The following GBA1 variants were observed in gnomAD, a reference collection of about 807,000 sequenced individuals.
GBA1 encodes the protein lysosomal acid glucosylceramidase.
the GBA1 span, chr1:155,235,196 G>A: frequency 2.3e-4 from 370 of 1,612,378 alleles, no homozygotes; most frequent in Non-Finnish European, 3.0e-4. Flanking sequence ...TGCCCTCACC[G>A]GTTTAGCACG....
chr1:155,241,362 A>G, the GBA1 span: 6 of 602,276 alleles, frequency 1.0e-5, no homozygotes, highest in African/African-American at 7.4e-5. Context: ...CATCTGTTAC[A>G]GATTATATGC....
At chr1:155,236,554 G>T in the GBA1 span, 6 of 1,082,078 alleles carry the variant, frequency 5.5e-6, no homozygotes, top group Non-Finnish European at 5.6e-6. Context: ...CTGGAGTTGG[G>T]TGACGGGAAG....
chr1:155,238,302 G>A, the GBA1 span: 2 of 1,575,008 alleles, frequency 1.3e-6, no homozygotes, highest in African/African-American at 1.4e-5. Flanking sequence ...GTGAATCAGG[G>A]GTATCTAGAG....
the GBA1 span, chr1:155,235,248 G>A: frequency 9.3e-6 from 15 of 1,613,830 alleles, no homozygotes; most frequent in African/African-American, 6.7e-5. Context: ...GTGCCACTGC[G>A]TCCAGGTCGT....
chr1:155,239,601 C>T, the GBA1 span: 10 of 1,613,962 alleles, frequency 6.2e-6, no homozygotes, highest in Non-Finnish European at 8.5e-6. Flanking sequence ...GTCATCTTGT[C>T]CCCTTCCTCC....
At chr1:155,242,988 C>T in the GBA1 span, among the ~76,000 whole-genome samples, 2 of 152,214 alleles carry the variant, frequency 1.3e-5, no homozygotes, top group Non-Finnish European at 2.9e-5. Flanking sequence ...ATCAATCACT[C>T]TAAGCCTCTG....
the GBA1 span, chr1:155,244,622 C>G: frequency 1.3e-5 from 2 of 152,224 alleles, no homozygotes; most frequent in African/African-American, 4.8e-5. Flanking sequence ...ACTCTGAAGG[C>G]AGGATGCAGC....
chr1:155,236,362 C>T, the GBA1 span: 2 of 1,614,072 alleles, frequency 1.2e-6, no homozygotes, highest in African/African-American at 2.7e-5. Context: ...TGTTGGGGAA[C>T]AGGCGGTGTG....
the GBA1 span, chr1:155,240,021 T>A: frequency 3.1e-6 from 5 of 1,613,870 alleles, no homozygotes; most frequent in Non-Finnish European, 4.2e-6. Flanking sequence ...TATGTGGCAT[T>A]GCAGACACAC....
chr1:155,240,189 C>T, the GBA1 span: 17 of 954,910 alleles, frequency 1.8e-5, no homozygotes, highest in African/African-American at 1.9e-4. Context: ...CTTGGCCGGG[C>T]GCAGGGGCTC....
At chr1:155,238,854 G>A in the GBA1 span, 5 of 646,784 alleles carry the variant, frequency 7.7e-6, no homozygotes, top group East Asian at 2.9e-5. Context: ...GATGATAGGC[G>A]GTGAAATCTT....
At chr1:155,235,476 A>T in the GBA1 span, 3 of 1,064,380 alleles carry the variant, frequency 2.8e-6, no homozygotes, top group Non-Finnish European at 2.8e-6. Flanking sequence ...GCTTTTCTGC[A>T]TCGCAGTCCA....
the GBA1 span, chr1:155,240,413 A>C: frequency 1.6e-6 from 1 of 616,702 alleles, no homozygotes; most frequent in African/African-American, 1.8e-5. Context: ...GGAATGAGCC[A>C]AAATTGCACC....
At chr1:155,235,324 A>T in the GBA1 span, 4 of 1,608,782 alleles carry the variant, frequency 2.5e-6, no homozygotes, top group Non-Finnish European at 3.4e-6. Context: ...GAATGTGGGA[A>T]CAGATGGTCA....
At chr1:155,238,771 G>T in the GBA1 span, 70 of 1,569,942 alleles carry the variant, frequency 4.5e-5, no homozygotes, top group Non-Finnish European at 7.0e-6. Context: ...TGGGCTCCTG[G>T]GTTGGAACCT....
the GBA1 span, chr1:155,239,465 A>T: frequency 6.1e-6 from 5 of 824,480 alleles, no homozygotes; most frequent in Non-Finnish European, 1.0e-5. Context: ...TGGGAGGCAG[A>T]GGTTGCTGTG....
At chr1:155,241,695 T>A in the GBA1 span, among the ~76,000 whole-genome samples, 7 of 152,096 alleles carry the variant, frequency 4.6e-5, no homozygotes, top group Non-Finnish European at 8.8e-5. Context: ...CATGGAGAGC[T>A]CTCTGAGATG....
chr1:155,240,658 A>G, the GBA1 span: 16 of 1,613,594 alleles, frequency 9.9e-6, no homozygotes, highest in Middle Eastern at 1.6e-4. Flanking sequence ...CCTGAAGTAG[A>G]AGCAATCCTG....
At chr1:155,240,196 G>A in the GBA1 span, 8 of 869,812 alleles carry the variant, frequency 9.2e-6, no homozygotes, top group African/African-American at 1.3e-4. Context: ...GGGCGCAGGG[G>A]CTCACACCTG....
Sources: allele counts gnomAD v4.1 joint callset (sites outside exome capture counted in the v4.1 genomes callset), GRCh38; gene constraint gnomAD v4.1.1; transcripts MANE v1.5; gene names NCBI Gene and HGNC (gene_info 2026-07-23, HGNC 2026-07-21).